The following RPH3AL variants were observed in gnomAD, a reference collection of about 807,000 sequenced individuals.
RPH3AL encodes rabphilin 3A like (without C2 domains).
Under a neutral mutation model 43.1 loss-of-function variants are expected in RPH3AL, and 38 were observed. The observed-to-expected ratio is 0.88, with a 90% CI of 0.68 to 1.15. The LOEUF (loss-of-function observed/expected upper bound fraction) is 1.15, where lower values mean the gene tolerates loss of function less well. Ranked by LOEUF, RPH3AL falls within the 50% of genes most tolerant of loss-of-function variation. The pLI is 0.00. For missense variants in RPH3AL, 462 were observed against 423.2 expected, an observed-to-expected ratio of 1.09 and a Z score of -0.81; for synonymous variants, 189 against 176.3, an observed-to-expected ratio of 1.07 and a Z score of -0.57.
At chr17:247,499 T>A in intron 6 of RPH3AL, 1 of 528,118 alleles carries the variant, frequency 1.9e-6, no homozygotes, top group Non-Finnish European at 3.3e-6. Context: ...CTCTCCCTTA[T>A]TTTAGAGTTG....
chr17:226,777 A>C (rs184818566), intron 7 of RPH3AL, among the ~76,000 whole-genome samples: 62 of 152,322 alleles, frequency 4.1e-4, no homozygotes, highest in Middle Eastern at 3.4e-3. Flanking sequence ...CCTGCATAGC[A>C]GCTGTGATTG....
At chr17:227,044 AC>A (rs1396330954) in intron 7 of RPH3AL, among the ~76,000 whole-genome samples, 5 of 152,106 alleles carry the variant, frequency 3.3e-5, no homozygotes, top group African/African-American at 1.2e-4. Flanking sequence ...TCATGGAGTC[AC>A]CCGGGTGCCG....
chr17:320,545 G>C (rs544948097), intron 4 of RPH3AL, among the ~76,000 whole-genome samples: 1 of 152,154 alleles, frequency 6.6e-6, no homozygotes, highest in South Asian at 2.1e-4. Context: ...AGGCTGAGGT[G>C]GGGAGGTCGC....
intron 2 of RPH3AL, chr17:331,939 A>G (rs1291606513): frequency 1.7e-6 from 2 of 1,192,858 alleles, no homozygotes; most frequent in Admixed American, 2.3e-5. Context: ...AGGTGAGTGG[A>G]AAAGCAGGGA....
At chr17:337,870 T>C (rs545487444) in intron 1 of RPH3AL, among the ~76,000 whole-genome samples, 1 of 152,294 alleles carries the variant, frequency 6.6e-6, no homozygotes, top group Admixed American at 6.5e-5. Context: ...AGTAAATCCT[T>C]GGGCATCTTT....
rs531666138 is a variant in RPH3AL at position 240,126 on chromosome 17, A to G, written c.613+6985T>C. 1.3e-5 allele frequency among the ~76,000 whole-genome samples: 2 copies of G among 151,962 alleles called. 1 individual carries two copies. Among genetic ancestry groups the G allele is most frequent in the South Asian group, 4.2e-4 (2 of 4,806 alleles). ...GTGGTGCAAGCCTGTAATCCCAGCT[A>G]CTCAGGAGGCTGAGGCAGGAGAATC... On this transcript the variant is annotated intron_variant, in intron 7 of 9. Transcript: ENST00000331302.
rs1175220477 is a variant in RPH3AL at position 327,653 on chromosome 17, C to T, written c.-36-74G>A. On this transcript the variant is annotated intron_variant, in intron 2 of 9. Transcript: ENST00000331302. ...ACAGATGGCAGACAGGTTCTCTGTG[C>T]CCTCAGGCCCCTCCACACCATCTCC... 9.5e-6 allele frequency: 8 copies of T among 844,912 alleles called. No individual in the cohort carries two copies. In the Admixed American group the frequency reaches 1.2e-4, roughly 13 times the overall value. The allele number at this position is 844,912 out of a possible 1,614,324, so 52.3% of individuals were successfully genotyped here.
intron 3 of RPH3AL, 27 bp downstream of exon 3, chr17:327,440 G>A (rs775468068): frequency 1.8e-5 from 29 of 1,602,290 alleles, no homozygotes; most frequent in South Asian, 1.4e-4. Flanking sequence ...AGGAAGGGAC[G>A]GCCTGGGGGG....
At chr17:319,685 G>T in intron 4 of RPH3AL, 136 bp from the exon 5 acceptor site, 1 of 1,011,166 alleles carries the variant, frequency 9.9e-7, no homozygotes, top group Non-Finnish European at 1.4e-6. Flanking sequence ...CCTTCCCCTG[G>T]ATAACAGCGA....
At chr17:230,791 T>G (rs1353189580) in intron 7 of RPH3AL, among the ~76,000 whole-genome samples, 4 of 152,312 alleles carry the variant, frequency 2.6e-5, no homozygotes, top group African/African-American at 9.6e-5. Context: ...TCCGTGTGTC[T>G]CTGGGGCCTT....
intron 5 of RPH3AL, among the ~76,000 whole-genome samples, chr17:315,003 A>T (rs1285333184): frequency 2.3e-5 from 3 of 128,484 alleles, no homozygotes; most frequent in South Asian, 2.4e-4. Flanking sequence ...ATTGACCTGT[A>T]GTCTCTGTGC....
intron 5 of RPH3AL, among the ~76,000 whole-genome samples, chr17:309,430 T>C (rs60519184): frequency 0.5 from 62,205 of 124,876 alleles, 16,725 homozygotes; most frequent in East Asian, 0.72. Context: ...AGCCCCCTGC[T>C]GGGGGTCCGG....
At chr17:346,938 C>T (rs952429061) in intron 1 of RPH3AL, among the ~76,000 whole-genome samples, 2 of 135,304 alleles carry the variant, frequency 1.5e-5, no homozygotes, top group African/African-American at 5.1e-5. Flanking sequence ...TGAGGATGTG[C>T]GGCAACAGGA....
At chr17:230,860 G>GT (rs1244702762) in intron 7 of RPH3AL, among the ~76,000 whole-genome samples, 5 of 152,026 alleles carry the variant, frequency 3.3e-5, no homozygotes, top group Non-Finnish European at 4.4e-5. Flanking sequence ...TGTTGTTGTT[G>GT]TTTTTCATAG....
At chr17:340,550 C>T (rs1175664580) in intron 1 of RPH3AL, among the ~76,000 whole-genome samples, 4 of 1,364 alleles carry the variant, frequency 2.9e-3, no homozygotes, top group Admixed American at 0.021. Flanking sequence ...ACTCACTGCC[C>T]CCCACCCAGG....
At chr17:236,739 C>T (rs959736829) in intron 7 of RPH3AL, among the ~76,000 whole-genome samples, 18 of 152,264 alleles carry the variant, frequency 1.2e-4, no homozygotes, top group African/African-American at 3.4e-4. Context: ...ACCTCTACCT[C>T]GTGCCAGCCT....
intron 6 of RPH3AL, among the ~76,000 whole-genome samples, chr17:262,686 G>A (rs2042229142): frequency 6.6e-6 from 1 of 152,146 alleles, no homozygotes; most frequent in South Asian, 2.1e-4. Flanking sequence ...GCGTGCAAAA[G>A]TCAAGCGACA....
intron 7 of RPH3AL, among the ~76,000 whole-genome samples, chr17:239,065 G>A (rs1448167192): frequency 1.3e-5 from 2 of 152,140 alleles, no homozygotes. Flanking sequence ...AGGCCAGGCC[G>A]TTCCCCACCC....
At chr17:222,811 T>C (rs1329675490) in intron 7 of RPH3AL, among the ~76,000 whole-genome samples, 1 of 152,204 alleles carries the variant, frequency 6.6e-6, no homozygotes, top group Non-Finnish European at 1.5e-5. Context: ...AGAATCCTCC[T>C]TTTTCCATTT....
Sources: gnomAD v4.1 joint callset for allele counts (sites outside exome capture counted in the v4.1 genomes callset) on GRCh38, gnomAD v4.1.1 for gene constraint, MANE v1.5 for transcripts, NCBI Gene and HGNC (gene_info 2026-07-23, HGNC 2026-07-21) for gene names.